Variants in PEAK1 observed in about 807,000 individuals in gnomAD.
The protein encoded by PEAK1 is pseudopodium enriched atypical kinase 1, also known as inactive tyrosine-protein kinase PEAK1.
Under a neutral mutation model 124.7 loss-of-function variants are expected in PEAK1, and 54 were observed. The observed-to-expected ratio is 0.43, with a 90% confidence interval of 0.35 to 0.54. The LOEUF (loss-of-function observed/expected upper bound fraction) is 0.54, where lower values mean the gene tolerates loss of function less well. Ranked by LOEUF, PEAK1 falls within the 20% of genes least tolerant of loss-of-function variation. The pLI, the probability that PEAK1 is intolerant of heterozygous loss-of-function variation, is 0.01. For synonymous variants in PEAK1, 719 were observed against 760.0 expected (o/e 0.95, Z 0.89); for missense variants, 2,046 against 2,134.5 (o/e 0.96, Z 0.82).
intron 2 of PEAK1, among the ~76,000 whole-genome samples, chr15:77,303,134 A>G (rs2063880146): frequency 6.6e-6 from 1 of 152,202 alleles, no homozygotes; most frequent in South Asian, 2.1e-4. Flanking sequence ...CGCTATATGA[A>G]TGTACCACAG....
chr15:77,400,776 A>G (rs1452365588), intron 1 of PEAK1, among the ~76,000 whole-genome samples: 1 of 152,194 alleles, frequency 6.6e-6, no homozygotes, highest in East Asian at 1.9e-4. Context: ...CAGTGCTTGG[A>G]AAGATATCAT....
intron 5 of PEAK1, among the ~76,000 whole-genome samples, chr15:77,270,940 T>C (rs988886260): frequency 6.6e-6 from 1 of 152,056 alleles, no homozygotes; most frequent in African/African-American, 2.4e-5. Flanking sequence ...GGGATCTAAT[T>C]AAACTAAAGA....
At chr15:77,353,138 A>G (rs1324197065) in intron 2 of PEAK1, among the ~76,000 whole-genome samples, 1 of 152,242 alleles carries the variant, frequency 6.6e-6, no homozygotes, top group African/African-American at 2.4e-5. Context: ...CGTGAAAAAG[A>G]AACTCCTCGG....
intron 6 of PEAK1, among the ~76,000 whole-genome samples, chr15:77,248,270 C>T (rs148304742): frequency 3.9e-5 from 6 of 152,168 alleles, no homozygotes; most frequent in African/African-American, 1.4e-4. Context: ...AGCTGTACCA[C>T]TAAATAGTCA....
chr15:77,353,010 A>G, intron 2 of PEAK1: 1 of 985,288 alleles, frequency 1.0e-6, no homozygotes. Context: ...CACTCTGGCA[A>G]GCATCTGTTG....
intron 2 of PEAK1, chr15:77,331,158 C>A (rs1271622901): frequency 4.7e-6 from 2 of 425,200 alleles, no homozygotes; most frequent in African/African-American, 4.3e-5. Context: ...GAGACGAAGT[C>A]TTGCTCTGCT....
chr15:77,193,992 C>G (rs1226370259), intron 6 of PEAK1, among the ~76,000 whole-genome samples: 2 of 152,290 alleles, frequency 1.3e-5, no homozygotes, highest in East Asian at 3.9e-4. Flanking sequence ...TTGCTCCTGT[C>G]GTCTGAAGCT....
intron 2 of PEAK1, among the ~76,000 whole-genome samples, chr15:77,313,704 A>ATGTG (rs1555478140): frequency 5.3e-5 from 6 of 112,478 alleles, no homozygotes; most frequent in South Asian, 2.6e-4. Flanking sequence ...ATATATATAT[A>ATGTG]TGTATGTGTG....
At chr15:77,335,836 A>G in intron 2 of PEAK1, 1 of 985,336 alleles carries the variant, frequency 1.0e-6, no homozygotes, top group South Asian at 4.7e-5. Context: ...AATGGTTTCC[A>G]ATCTCCATTT....
At chr15:77,307,127 T>C (rs75826581) in intron 2 of PEAK1, among the ~76,000 whole-genome samples, 1,704 of 152,212 alleles carry the variant, frequency 0.011, 42 homozygotes, top group African/African-American at 0.039. Context: ...AAACCATAAG[T>C]AACCTTCATG....
intron 6 of PEAK1, among the ~76,000 whole-genome samples, chr15:77,194,238 TA>T (rs970839456): frequency 6.6e-6 from 1 of 152,226 alleles, no homozygotes; most frequent in African/African-American, 2.4e-5. Flanking sequence ...CATCTAGCTA[TA>T]ACTTGAGTCC....
chr15:77,260,727 A>G (rs183788155), intron 5 of PEAK1, among the ~76,000 whole-genome samples: 39 of 152,340 alleles, frequency 2.6e-4, no homozygotes, highest in Non-Finnish European at 4.9e-4. Context: ...TGAGCGACAC[A>G]GAAGATGTAT....
Position 77,133,698 on chromosome 15 carries a change from T to A in PEAK1, c.3384A>T (p.Gly1128=). 6.2e-7 allele frequency: 1 copy of A among 1,613,690 alleles called. No homozygotes were observed. Among genetic ancestry groups the A allele is most frequent in the Non-Finnish European group, 8.5e-7 (1 of 1,179,816 alleles). The change falls in exon 9 of 10, where the codon GGA becomes GGT. Residue 1128 remains glycine (G), a synonymous_variant. Transcript: ENST00000682557. This position sits in a 1 kb window ranked among gnomAD's most constrained non-coding sequence, Gnocchi z 4.2. ...CAAAGGCGATGGCATCGTCCACAGCTCCCTTGGGCTGTCGTGGCTGCTTGG... is the reference window on the plus strand; with the variant it reads ...CAAAGGCGATGGCATCGTCCACAGCACCCTTGGGCTGTCGTGGCTGCTTGG... ...IPPKQPRQPK[G]AVDDAIAFGG...
At chr15:77,182,749 C>CAAAAAAAAAAAAAAAAAA (rs71143395) in intron 6 of PEAK1, among the ~76,000 whole-genome samples, 5 of 65,142 alleles carry the variant, frequency 7.7e-5, no homozygotes, top group African/African-American at 2.5e-4. Context: ...GACCTTGTCT[C>CAAAAAAAAAAAAAAAAAA]AAAAAAAAAA....
At chr15:77,190,288 T>G (rs1353414256) in intron 6 of PEAK1, among the ~76,000 whole-genome samples, 1 of 152,220 alleles carries the variant, frequency 6.6e-6, no homozygotes, top group African/African-American at 2.4e-5. Context: ...AAGTATAGAT[T>G]TATTGCTTTT....
chr15:77,169,513 C>T (rs1007718693), intron 7 of PEAK1, among the ~76,000 whole-genome samples: 3 of 152,174 alleles, frequency 2.0e-5, no homozygotes, highest in Admixed American at 6.5e-5. Flanking sequence ...TTTACCACCA[C>T]AGCTTATTGA....
chr15:77,388,367 C>T (rs532976490), intron 1 of PEAK1, among the ~76,000 whole-genome samples: 6 of 152,160 alleles, frequency 3.9e-5, no homozygotes, highest in Non-Finnish European at 7.3e-5. Flanking sequence ...TAACGTGCAG[C>T]TAATGAAATC....
At chr15:77,395,717 T>C (rs988670256) in intron 1 of PEAK1, among the ~76,000 whole-genome samples, 1 of 152,082 alleles carries the variant, frequency 6.6e-6, no homozygotes, top group South Asian at 2.1e-4. Context: ...CTAGTGAAAG[T>C]ATCCTTCAAA....
intron 1 of PEAK1, among the ~76,000 whole-genome samples, chr15:77,411,179 G>A (rs953741230): frequency 1.3e-5 from 2 of 151,578 alleles, no homozygotes; most frequent in Non-Finnish European, 2.9e-5. Flanking sequence ...GCAAATTCAC[G>A]GCAGATGGTA....
Sources: allele counts gnomAD v4.1 joint callset (sites outside exome capture counted in the v4.1 genomes callset), GRCh38; gene constraint gnomAD v4.1.1; non-coding constraint Gnocchi (gnomAD v3.1); transcripts MANE v1.5; gene names NCBI Gene and HGNC (gene_info 2026-07-23, HGNC 2026-07-21).